FOXP1: variants seen among roughly 807,000 people sequenced by gnomAD.
FOXP1 encodes the protein forkhead box P1.
FOXP1 carries 15 observed loss-of-function variants against 98.2 expected under a neutral mutation model. That is an observed-to-expected ratio of 0.15 (90% CI 0.10 to 0.24). FOXP1 has a LOEUF of 0.24. Ranked by LOEUF, FOXP1 falls within the 10% of genes least tolerant of loss-of-function variation. The pLI is 1.00. For synonymous variants in FOXP1, 371 were observed against 314.5 expected (o/e 1.18, Z -1.90); for missense variants, 633 against 848.5 (o/e 0.75, Z 3.15).
At chr3:71,264,798 C>T (rs899584095) in intron 5 of FOXP1, among the ~76,000 whole-genome samples, 1 of 152,216 alleles carries the variant, frequency 6.6e-6, no homozygotes, top group Non-Finnish European at 1.5e-5. Context: ...TGAAAAATAA[C>T]TGTAACATTT....
At chr3:71,082,336 T>A (rs2054527010) in intron 7 of FOXP1, among the ~76,000 whole-genome samples, 3 of 149,786 alleles carry the variant, frequency 2.0e-5, no homozygotes, top group African/African-American at 7.4e-5. Flanking sequence ...AACATACTAG[T>A]CTGTGAAATG....
chr3:71,581,095 A>AG, intron 2 of FOXP1: 1 of 969,430 alleles, frequency 1.0e-6, no homozygotes, highest in Non-Finnish European at 1.2e-6. Context: ...GGAAGAAATA[A>AG]GTTTCATTTT....
chr3:71,581,417 ATTCC>A (rs1438832174), intron 2 of FOXP1, 128 bp downstream of exon 2: 16 of 985,326 alleles, frequency 1.6e-5, no homozygotes, highest in Non-Finnish European at 1.9e-5. Flanking sequence ...GGATGGGCAC[ATTCC>A]TCGCTCCCGG....
At chr3:71,359,797 A>C (rs1194563573) in intron 3 of FOXP1, among the ~76,000 whole-genome samples, 1 of 151,968 alleles carries the variant, frequency 6.6e-6, no homozygotes, top group Non-Finnish European at 1.5e-5. Flanking sequence ...AAAGTGCTGC[A>C]ATTATTTTTC....
intron 2 of FOXP1, among the ~76,000 whole-genome samples, chr3:71,515,340 CTGCT>C (rs1390324273): frequency 6.8e-6 from 1 of 146,024 alleles, no homozygotes; most frequent in Non-Finnish European, 1.5e-5. Context: ...CATTTTATTT[CTGCT>C]TGTTGTTTTA....
intron 3 of FOXP1, among the ~76,000 whole-genome samples, chr3:71,491,061 G>T (rs1364452313): frequency 6.6e-6 from 1 of 152,050 alleles, no homozygotes; most frequent in Admixed American, 6.5e-5. Context: ...TCTCAACCAG[G>T]CTGGAGTGCA....
At chr3:71,345,655 C>T (rs1434902204) in intron 4 of FOXP1, among the ~76,000 whole-genome samples, 1 of 151,754 alleles carries the variant, frequency 6.6e-6, no homozygotes, top group Admixed American at 6.6e-5. Context: ...AAGAGCCACC[C>T]AGAGTTCTCC....
At chr3:71,077,957 C>T (rs778836200) in intron 7 of FOXP1, among the ~76,000 whole-genome samples, 5 of 152,048 alleles carry the variant, frequency 3.3e-5, no homozygotes, top group African/African-American at 4.8e-5. Context: ...TTCAGCCTCC[C>T]GAGTAACTGC....
chr3:71,277,543 C>T (rs1174904927), intron 5 of FOXP1, among the ~76,000 whole-genome samples: 1 of 152,120 alleles, frequency 6.6e-6, no homozygotes, highest in African/African-American at 2.4e-5. Context: ...TCTACAATAG[C>T]CTCTTGCCAC....
At chr3:71,422,083 G>A (rs1044941234) in intron 3 of FOXP1, among the ~76,000 whole-genome samples, 4 of 152,144 alleles carry the variant, frequency 2.6e-5, no homozygotes, top group Admixed American at 6.5e-5. Flanking sequence ...CAAGCACTGC[G>A]ACATCTTAAT....
intron 5 of FOXP1, among the ~76,000 whole-genome samples, chr3:71,258,989 C>T (rs1365741194): frequency 6.6e-6 from 1 of 151,952 alleles, no homozygotes; most frequent in Non-Finnish European, 1.5e-5. Context: ...ACTAAAAATA[C>T]AAAAAATTAG....
intron 7 of FOXP1, among the ~76,000 whole-genome samples, chr3:71,105,781 C>A (rs1383460228): frequency 1.3e-5 from 2 of 152,066 alleles, no homozygotes; most frequent in African/African-American, 2.4e-5. Context: ...GAGACACACA[C>A]GCACAGGCAC....
chr3:71,484,650 A>G (rs1024542242), intron 3 of FOXP1, among the ~76,000 whole-genome samples: 1 of 152,140 alleles, frequency 6.6e-6, no homozygotes, highest in Non-Finnish European at 1.5e-5. Flanking sequence ...GAGTTGTGAC[A>G]TGGTCGGGGT....
At chr3:71,314,289 A>AGGAGG (rs1361793434) in intron 4 of FOXP1, among the ~76,000 whole-genome samples, 1 of 152,140 alleles carries the variant, frequency 6.6e-6, no homozygotes, top group Non-Finnish European at 1.5e-5. Flanking sequence ...CCAGAACTTT[A>AGGAGG]GGAGGCTGAG....
At chr3:71,301,068 G>A (rs1330641575) in intron 4 of FOXP1, among the ~76,000 whole-genome samples, 2 of 152,160 alleles carry the variant, frequency 1.3e-5, no homozygotes, top group African/African-American at 4.8e-5. Flanking sequence ...ATTGGAAAAA[G>A]ACGCAGGCTC....
chr3:71,035,945 C>G (rs192192303), intron 11 of FOXP1, among the ~76,000 whole-genome samples: 1 of 152,140 alleles, frequency 6.6e-6, no homozygotes, highest in South Asian at 2.1e-4. Flanking sequence ...ACCAAGAGCA[C>G]TGACATTTAT....
chr3:71,512,212 G>T (rs1297082884), intron 2 of FOXP1, among the ~76,000 whole-genome samples: 1 of 152,150 alleles, frequency 6.6e-6, no homozygotes, highest in Admixed American at 6.5e-5. Context: ...TTGCCTCCCA[G>T]TGGTGCCTTA....
At chr3:71,088,005 T>G (rs2055326535) in intron 7 of FOXP1, among the ~76,000 whole-genome samples, 1 of 152,170 alleles carries the variant, frequency 6.6e-6, no homozygotes, top group South Asian at 2.1e-4. Flanking sequence ...AGTGTGCAAA[T>G]GTATGTTTTC....
chr3:71,139,207 G>A (rs999617791), intron 6 of FOXP1, among the ~76,000 whole-genome samples: 3 of 152,100 alleles, frequency 2.0e-5, no homozygotes, highest in African/African-American at 4.8e-5. Flanking sequence ...CGGGCTAATT[G>A]GGGTAACGCA....
Sources: allele counts gnomAD v4.1 joint callset (sites outside exome capture counted in the v4.1 genomes callset), GRCh38; gene constraint gnomAD v4.1.1; transcripts MANE v1.5; gene names NCBI Gene and HGNC (gene_info 2026-07-23, HGNC 2026-07-21).